The following ZNF804B variants were observed in gnomAD, a reference collection of about 807,000 sequenced individuals.
The protein encoded by ZNF804B is zinc finger 804B.
In ZNF804B, 80 loss-of-function variants were observed where a neutral mutation model predicts 101.4. That is an observed-to-expected ratio of 0.79 (90% CI 0.66 to 0.95). The LOEUF (loss-of-function observed/expected upper bound fraction) is 0.95. ZNF804B is among the 40% of genes least tolerant of loss of function. The pLI is 0.00. For synonymous variants in ZNF804B, 622 were observed against 558.8 expected (o/e 1.11, Z -1.59); for missense variants, 1,673 against 1,561.9 (o/e 1.07, Z -1.20).
chr7:89,248,196 T>C (rs1789480355), intron 2 of ZNF804B, among the ~76,000 whole-genome samples: 1 of 152,068 alleles, frequency 6.6e-6, no homozygotes, highest in Admixed American at 6.6e-5. Flanking sequence ...AGGGAATACT[T>C]CAAGAGAATT....
At chr7:88,924,340 T>C (rs1036919586) in intron 1 of ZNF804B, among the ~76,000 whole-genome samples, 19 of 152,278 alleles carry the variant, frequency 1.2e-4, no homozygotes, top group Middle Eastern at 3.4e-3. Context: ...CTTGAGCATG[T>C]GTTTTTGCTT....
rs900422991 is a variant in ZNF804B at position 89,337,158 on chromosome 7, T to C, written c.*126T>C. ...CTGCCAATTCAAAATGTGACAAATA[T>C]ATAAATATGATCTGAATTGCTAATA... On this transcript the variant is annotated 3_prime_UTR_variant, in exon 4 of 4. Coordinates refer to ENST00000333190, the MANE Select transcript of ZNF804B (RefSeq NM_181646.5). 4.9e-6 allele frequency: 5 copies of C among 1,024,670 alleles called. No homozygotes were observed. The highest frequency in any genetic ancestry group is 5.2e-5 in the East Asian group (2 of 38,134). 63.5% of individuals were successfully genotyped at this position (1,024,670 alleles called of 1,614,324 possible).
intron 1 of ZNF804B, among the ~76,000 whole-genome samples, chr7:88,946,522 G>A (rs1258870886): frequency 6.7e-6 from 1 of 149,808 alleles, no homozygotes; most frequent in African/African-American, 2.5e-5. Flanking sequence ...TTATTGCGTC[G>A]ATGTTCATCA....
chr7:88,763,560 TAA>T (rs56956699), intron 1 of ZNF804B, among the ~76,000 whole-genome samples: 14 of 143,760 alleles, frequency 9.7e-5, no homozygotes, highest in Admixed American at 3.4e-4. Flanking sequence ...TTAAAGAAAG[TAA>T]AAAAAAAAAA....
At chr7:89,195,075 C>G (rs1407181817) in intron 1 of ZNF804B, among the ~76,000 whole-genome samples, 1 of 151,196 alleles carries the variant, frequency 6.6e-6, no homozygotes, top group Admixed American at 6.6e-5. Context: ...ATAAACAGAA[C>G]CAAAGACAAA....
chr7:88,810,094 G>A (rs780977025), intron 1 of ZNF804B, among the ~76,000 whole-genome samples: 5 of 152,052 alleles, frequency 3.3e-5, no homozygotes, highest in East Asian at 1.9e-4. Flanking sequence ...CCAATGTTCC[G>A]TGATGCTCCT....
intron 2 of ZNF804B, among the ~76,000 whole-genome samples, chr7:89,273,459 ATTAC>A (rs976210935): frequency 3.0e-4 from 46 of 152,274 alleles, no homozygotes; most frequent in African/African-American, 1.1e-3. Context: ...TCAAGTTAAA[ATTAC>A]TTAAAGTGGT....
intron 2 of ZNF804B, among the ~76,000 whole-genome samples, chr7:89,225,428 C>T (rs994622526): frequency 2.0e-5 from 3 of 152,116 alleles, no homozygotes; most frequent in African/African-American, 4.8e-5. Context: ...ATACTCCACT[C>T]CCAGCTATTA....
chr7:89,267,070 G>A (rs184786145), intron 2 of ZNF804B, among the ~76,000 whole-genome samples: 2 of 152,170 alleles, frequency 1.3e-5, no homozygotes, highest in East Asian at 3.9e-4. Flanking sequence ...TTGACCAACT[G>A]GTTATTTTAT....
chr7:88,775,049 A>T (rs1368026888), intron 1 of ZNF804B, among the ~76,000 whole-genome samples: 1 of 152,236 alleles, frequency 6.6e-6, no homozygotes, highest in Admixed American at 6.5e-5. Context: ...CACAACAGAC[A>T]TGCTGTCTGT....
intron 1 of ZNF804B, chr7:88,794,954 T>C (rs747070773): frequency 2.6e-6 from 4 of 1,542,180 alleles, no homozygotes; most frequent in East Asian, 4.5e-5. Context: ...AGGAGTCTTA[T>C]TTATTTTTCC....
rs576942748 is a variant in ZNF804B at position 88,968,892 on chromosome 7, G to A, written c.108+208808G>A. Among the ~76,000 whole-genome samples, 343 of 151,538 alleles carry A rather than the reference G, an allele frequency of 2.3e-3. 2 individuals are homozygous for A. Among genetic ancestry groups the A allele is most frequent in the Middle Eastern group, 0.01 (3 of 292 alleles). On this transcript the variant is annotated intron_variant, in intron 1 of 3. Transcript: ENST00000333190. Reference sequence around the variant, plus strand: ...AATATATATAATTTTTCTTGGACACGTATCTTTTCTACATATATGTTTATT... The same window carrying A: ...AATATATATAATTTTTCTTGGACACATATCTTTTCTACATATATGTTTATT...
intron 1 of ZNF804B, among the ~76,000 whole-genome samples, chr7:88,766,420 A>T (rs1789984637): frequency 6.6e-6 from 1 of 152,208 alleles, no homozygotes; most frequent in South Asian, 2.1e-4. Context: ...TATTCAACTA[A>T]TCTCTTATTT....
chr7:89,047,348 G>C (rs997715594), intron 1 of ZNF804B, among the ~76,000 whole-genome samples: 1 of 152,072 alleles, frequency 6.6e-6, no homozygotes, highest in African/African-American at 2.4e-5. Context: ...ACTTACAATT[G>C]CCTAGTTGAT....
At chr7:89,161,580 G>T (rs758216242) in intron 1 of ZNF804B, among the ~76,000 whole-genome samples, 1 of 151,860 alleles carries the variant, frequency 6.6e-6, no homozygotes, top group African/African-American at 2.4e-5. Context: ...ACAGAGATGG[G>T]GTTTCATTAT....
chr7:89,281,634 A>G (rs1382284835), intron 2 of ZNF804B, among the ~76,000 whole-genome samples: 3 of 152,204 alleles, frequency 2.0e-5, no homozygotes, highest in Non-Finnish European at 4.4e-5. Context: ...GAATATGGAT[A>G]ACAACAAAAA....
At chr7:88,803,176 A>T (rs538156728) in intron 1 of ZNF804B, among the ~76,000 whole-genome samples, 1 of 152,244 alleles carries the variant, frequency 6.6e-6, no homozygotes, top group South Asian at 2.1e-4. Context: ...ACGTTAAAAA[A>T]TAAGGCTATT....
rs80288643 is a variant in ZNF804B, at chr7:89,257,376, G to C, written c.249+39081G>C. Among the ~76,000 whole-genome samples, 1,133 of 152,116 alleles carry C rather than the reference G, an allele frequency of 7.4e-3. 18 individuals are homozygous for C. The highest frequency in any genetic ancestry group is 0.026 in the African/African-American group (1,082 of 41,524). ...TTTATAATGCACTAGAAAGAATACT[G>C]TGATAGAAATCACAAAATTTCAGTT... On this transcript the variant is annotated intron_variant, in intron 2 of 3. Coordinates refer to ENST00000333190, the MANE Select transcript of ZNF804B (RefSeq NM_181646.5).
At chr7:89,065,833 T>C (rs749514033) in intron 1 of ZNF804B, among the ~76,000 whole-genome samples, 24 of 152,288 alleles carry the variant, frequency 1.6e-4, no homozygotes, top group Non-Finnish European at 2.5e-4. Context: ...TCCGATCTCC[T>C]GCCTCCCTTT....
Sources: allele counts gnomAD v4.1 joint callset (sites outside exome capture counted in the v4.1 genomes callset), GRCh38; gene constraint gnomAD v4.1.1; transcripts MANE v1.5; gene names NCBI Gene and HGNC (gene_info 2026-07-23, HGNC 2026-07-21).